Variants in C8orf34 observed in about 807,000 individuals in gnomAD.
C8orf34 encodes chromosome 8 open reading frame 34, also known as uncharacterized protein C8orf34.
Under a neutral mutation model 68.3 loss-of-function variants are expected in C8orf34, and 65 were observed. The observed-to-expected ratio is 0.95, with a 90% CI of 0.78 to 1.17. The LOEUF (loss-of-function observed/expected upper bound fraction) is 1.17. C8orf34 is among the 50% of genes most tolerant of loss of function. The pLI, the probability that C8orf34 is intolerant of heterozygous loss-of-function variation, is 0.00. For missense variants in C8orf34, 664 were observed against 655.4 expected, an observed-to-expected ratio of 1.01 and a Z score of -0.14; for synonymous variants, 244 against 241.2, an observed-to-expected ratio of 1.01 and a Z score of -0.11.
intron 8 of C8orf34, among the ~76,000 whole-genome samples, chr8:68,671,126 ATAATGAGTGG>A (rs1315150507): frequency 2.6e-5 from 4 of 152,208 alleles, no homozygotes; most frequent in African/African-American, 9.6e-5. Context: ...CATCTCTAAA[ATAATGAGTGG>A]TAATGAGTTA....
chr8:68,640,342 AT>A (rs1291236774), intron 7 of C8orf34, 33 bp from the exon 8 acceptor site: 1 of 1,598,376 alleles, frequency 6.3e-7, no homozygotes, highest in Non-Finnish European at 8.5e-7. Flanking sequence ...ACTAGAGTTA[AT>A]TTTTTTCTCT....
At chr8:68,646,833 A>G (rs1202095976) in intron 8 of C8orf34, among the ~76,000 whole-genome samples, 1 of 152,192 alleles carries the variant, frequency 6.6e-6, no homozygotes, top group South Asian at 2.1e-4. Flanking sequence ...CATTGTGTAT[A>G]TATATACCAC....
chr8:68,374,673 GTTA>G (rs1456111107), intron 1 of C8orf34, among the ~76,000 whole-genome samples: 1 of 152,124 alleles, frequency 6.6e-6, no homozygotes, highest in African/African-American at 2.4e-5. Context: ...CCAGAAAGTA[GTTA>G]TTATTATCAT....
At chr8:68,579,162 A>G (rs2130332739) in intron 7 of C8orf34, among the ~76,000 whole-genome samples, 1 of 152,210 alleles carries the variant, frequency 6.6e-6, no homozygotes, top group African/African-American at 2.4e-5. Context: ...CAATGCCCTG[A>G]TACTCCCAGG....
At chr8:68,689,218 T>C (rs1385669749) in intron 8 of C8orf34, among the ~76,000 whole-genome samples, 1 of 151,866 alleles carries the variant, frequency 6.6e-6, no homozygotes, top group Non-Finnish European at 1.5e-5. Context: ...TACAGAGAGA[T>C]ATAATGGACT....
chr8:68,381,308 T>C (rs1310442728), intron 1 of C8orf34, among the ~76,000 whole-genome samples: 1 of 152,216 alleles, frequency 6.6e-6, no homozygotes, highest in African/African-American at 2.4e-5. Context: ...GTTAATCCAC[T>C]AGATGCTTAC....
intron 6 of C8orf34, among the ~76,000 whole-genome samples, chr8:68,529,296 G>C (rs1815146737): frequency 6.6e-6 from 1 of 152,148 alleles, no homozygotes; most frequent in African/African-American, 2.4e-5. Flanking sequence ...AAGTTACCCA[G>C]TGTCAGTCAA....
chr8:68,462,268 C>T (rs1377320364), intron 3 of C8orf34, among the ~76,000 whole-genome samples: 1 of 152,162 alleles, frequency 6.6e-6, no homozygotes. Context: ...GCACCCAATA[C>T]AGGAACACCC....
chr8:68,525,795 G>T, intron 6 of C8orf34: 1 of 535,772 alleles, frequency 1.9e-6, no homozygotes, highest in South Asian at 1.5e-5. Context: ...ATCACAGTGA[G>T]AAACAGGATG....
At chr8:68,639,539 T>C (rs1046856164) in intron 7 of C8orf34, among the ~76,000 whole-genome samples, 3 of 152,142 alleles carry the variant, frequency 2.0e-5, no homozygotes, top group Non-Finnish European at 4.4e-5. Context: ...TCCTCACATA[T>C]GTTATGCCTT....
chr8:68,651,165 T>C (rs1819347068), intron 8 of C8orf34, among the ~76,000 whole-genome samples: 1 of 152,210 alleles, frequency 6.6e-6, no homozygotes, highest in South Asian at 2.1e-4. Context: ...TGTGTTTACT[T>C]TATCTACCTA....
chr8:68,396,845 T>G (rs945540377), intron 1 of C8orf34, among the ~76,000 whole-genome samples: 1 of 151,260 alleles, frequency 6.6e-6, no homozygotes, highest in Non-Finnish European at 1.5e-5. Context: ...GCTTGAGGCC[T>G]TCATGAGAAG....
At chr8:68,531,687 C>G (rs140972799) in intron 6 of C8orf34, among the ~76,000 whole-genome samples, 107 of 152,080 alleles carry the variant, frequency 7.0e-4, no homozygotes, top group African/African-American at 2.5e-3. Flanking sequence ...CAAGTCGTGT[C>G]ACTTCTGCTT....
chr8:68,526,092 G>T (rs1453838083), intron 6 of C8orf34, among the ~76,000 whole-genome samples: 2 of 150,898 alleles, frequency 1.3e-5, no homozygotes, highest in Non-Finnish European at 2.9e-5. Flanking sequence ...TGAGAAGCTG[G>T]GACTACAGGT....
intron 1 of C8orf34, among the ~76,000 whole-genome samples, chr8:68,384,722 G>A (rs1347989247): frequency 3.9e-5 from 6 of 152,148 alleles, no homozygotes; most frequent in East Asian, 1.9e-4. Flanking sequence ...CAGTTGGTAC[G>A]TGCAGGCTTA....
chr8:68,447,008 T>C (rs1811152893), intron 3 of C8orf34: 1 of 152,498 alleles, frequency 6.6e-6, no homozygotes, highest in Non-Finnish European at 1.5e-5. Context: ...GGGTATTTTA[T>C]AAAGAAAAAA....
intron 6 of C8orf34, chr8:68,525,619 G>T: frequency 1.3e-6 from 1 of 785,968 alleles, no homozygotes; most frequent in Non-Finnish European, 2.2e-6. Flanking sequence ...AACCGAACTG[G>T]TCAGATGGGA....
At chr8:68,744,428 A>G (rs1436411429) in intron 10 of C8orf34, among the ~76,000 whole-genome samples, 1 of 152,188 alleles carries the variant, frequency 6.6e-6, no homozygotes, top group African/African-American at 2.4e-5. Flanking sequence ...AGATGATCAA[A>G]TTACTCTGAG....
intron 1 of C8orf34, among the ~76,000 whole-genome samples, chr8:68,404,523 C>A (rs1809103213): frequency 1.3e-5 from 2 of 152,104 alleles, no homozygotes; most frequent in Admixed American, 6.5e-5. Flanking sequence ...ATGTTTAAGT[C>A]TTTAATCCAT....
Sources: gnomAD v4.1 joint callset for allele counts (sites outside exome capture counted in the v4.1 genomes callset) on GRCh38, gnomAD v4.1.1 for gene constraint, MANE v1.5 for transcripts, NCBI Gene and HGNC (gene_info 2026-07-23, HGNC 2026-07-21) for gene names.